The following DNAJB2 variants were observed in gnomAD, a reference collection of about 807,000 sequenced individuals.
DNAJB2 encodes DnaJ heat shock protein family (Hsp40) member B2.
DNAJB2 carries 19 observed loss-of-function variants against 33.3 expected under a neutral mutation model. The ratio of observed to expected loss-of-function variants is 0.57; its 90% CI spans 0.40 to 0.84. The LOEUF is 0.84. Ranked by LOEUF, DNAJB2 falls within the 40% of genes least tolerant of loss-of-function variation. The pLI, the probability that DNAJB2 is intolerant of heterozygous loss-of-function variation, is 0.00. For missense variants in DNAJB2, 368 were observed against 430.9 expected (o/e 0.85, Z 1.29); for synonymous variants, 172 against 164.6 (o/e 1.04, Z -0.34).
At position 219,279,855 on chromosome 2, in the gene DNAJB2, C is replaced by G. The variant is rs762126049; in HGVS notation, c.22C>G (p.Leu8Val). 6.2e-7 allele frequency: 1 copy of G among 1,613,956 alleles called. No individual in the cohort carries two copies. Among genetic ancestry groups the G allele is most frequent in the African/African-American group, 1.3e-5 (1 of 74,930 alleles). Residue 8 changes from leucine (L) to valine (V), a missense_variant, in exon 2 of 9, where the codon CTA (leucine) becomes GTA (valine). Leu to Val is a conservative substitution (Grantham distance 32). Coordinates refer to ENST00000336576, the MANE Select transcript of DNAJB2 (RefSeq NM_006736.6). This position sits in a 1 kb window ranked among gnomAD's most constrained non-coding sequence, Gnocchi z 4.9. MASYYEI[L>V]DVPRSASADD... Reference sequence around the variant, plus strand: ...TGCCATGGCATCCTACTACGAGATCCTAGACGTGCCGCGAAGTGCGTCCGC... The same window carrying G: ...TGCCATGGCATCCTACTACGAGATCGTAGACGTGCCGCGAAGTGCGTCCGC...
In DNAJB2 at chr2:219,286,383, G is replaced by A. The variant is rs541015445; in HGVS notation, c.*1396G>A. On this transcript the variant is annotated 3_prime_UTR_variant, in exon 9 of 9. Transcript: ENST00000336576. ...GATTTATCCCTGTAGGGCTGGCAGG[G>A]TTGTAGATGAAGGGGGAATGATCTG... 3.4e-5 allele frequency: 7 copies of A among 208,050 alleles called. No individual in the cohort carries two copies. In the South Asian group the frequency reaches 7.2e-4, roughly 21 times the overall value. 12.9% of individuals were successfully genotyped at this position (208,050 alleles called of 1,614,324 possible).
In DNAJB2 at chr2:219,286,255, G is replaced by A. The variant is rs1951955273; in HGVS notation, c.*1268G>A. ...CCCGGCCTCATTTCTGATAGATCCC[G>A]CTTGGGGGAGGTGGTGTATGGTTAC... On this transcript the variant is annotated 3_prime_UTR_variant, in exon 9 of 9. Transcript: ENST00000336576. 4 of 497,024 alleles carry A rather than the reference G, an allele frequency of 8.0e-6. 1 individual carries two copies. The Admixed American group carries it at 9.5e-5, about 12-fold the overall frequency. The allele number at this position is 497,024 out of a possible 1,614,324, so 30.8% of individuals were successfully genotyped here. A position where few individuals can be genotyped will look rare whatever the true frequency, so the allele number is the denominator to read the frequency against.
rs1027058251 is a variant in DNAJB2 at position 219,285,042 on chromosome 2, G to A, written c.*55G>A. Reference sequence around the variant, plus strand: ...TCTTGACTGGGGGGTCTGACTCACTGTGGGAAGAGAAGAGGGGAGTATCCT... The same window carrying A: ...TCTTGACTGGGGGGTCTGACTCACTATGGGAAGAGAAGAGGGGAGTATCCT... On this transcript the variant is annotated 3_prime_UTR_variant, in exon 9 of 9. Transcript: ENST00000336576. The A allele has an allele frequency of 5.5e-6, 8 of 1,441,852 alleles. No homozygotes were observed. The highest frequency in any genetic ancestry group is 7.3e-6 in the Non-Finnish European group (8 of 1,091,652). 89.3% of individuals were successfully genotyped at this position (1,441,852 alleles called of 1,614,324 possible).
intron 6 of DNAJB2, 21 bp from the exon 7 acceptor site, chr2:219,283,111 TC>T (rs765110238): frequency 6.2e-7 from 1 of 1,613,534 alleles, no homozygotes; most frequent in East Asian, 2.2e-5. Flanking sequence ...CCTCTCCTCC[TC>T]CTCCCTTGTC....
In DNAJB2 at chr2:219,286,502, GCA is replaced by G. The variant is rs1376291182; in HGVS notation, c.*1516_*1517del. On this transcript the variant is annotated 3_prime_UTR_variant, in exon 9 of 9. Coordinates refer to ENST00000336576, the MANE Select transcript of DNAJB2 (RefSeq NM_006736.6). Reference sequence around the variant, plus strand: ...CCTGGGAGCGGTACCTTTCCCTTGGGCAGCCTGGGGTCCCAGGAACAAGCCAG... The same window carrying G: ...CCTGGGAGCGGTACCTTTCCCTTGGGGCCTGGGGTCCCAGGAACAAGCCAG... 4.5e-5 allele frequency: 7 copies of G among 154,356 alleles called. 1 individual carries two copies. Among genetic ancestry groups the G allele is most frequent in the Admixed American group, 3.8e-4 (6 of 15,630 alleles). The allele number at this position is 154,356 out of a possible 1,614,324, so 9.6% of individuals were successfully genotyped here.
Position 219,286,075 on chromosome 2 carries a change from C to A in DNAJB2, c.*1088C>A. 1 of 1,479,056 alleles carries A rather than the reference C, an allele frequency of 6.8e-7. No individual in the cohort carries two copies. The highest frequency in any genetic ancestry group is 9.1e-7 in the Non-Finnish European group (1 of 1,096,052). The allele number at this position is 1,479,056 out of a possible 1,614,324, so 91.6% of individuals were successfully genotyped here. A position where few individuals can be genotyped will look rare whatever the true frequency, so the allele number is the denominator to read the frequency against. On this transcript the variant is annotated 3_prime_UTR_variant, in exon 9 of 9. Transcript: ENST00000336576. ...CCCCCATGCGCTGGGAGGGGACCCTCCATTTCTCCCCCTCACCCATGCTGA... is the reference window on the plus strand; with the variant it reads ...CCCCCATGCGCTGGGAGGGGACCCTACATTTCTCCCCCTCACCCATGCTGA...
At chr2:219,281,345 T>G (rs1294024231) in intron 3 of DNAJB2, 1 of 234,126 alleles carries the variant, frequency 4.3e-6, no homozygotes, top group African/African-American at 2.3e-5. Flanking sequence ...AGAAGGCCTC[T>G]CCGAGAAGGT....
chr2:219,279,731 A>AG lies in DNAJB2; in HGVS notation c.-36-62dup. ...TGGGAGCGCCTTCCGCCACCCGGGG[A>AG]GGGGGACTGCTGCAGCCACAGGGTG... On this transcript the variant is annotated intron_variant, in intron 1 of 8. Transcript: ENST00000336576. The surrounding 1 kb of genome is among the most constrained non-coding windows in gnomAD (Gnocchi z 4.9). 1 of 1,329,694 alleles carries AG rather than the reference A, an allele frequency of 7.5e-7. No homozygotes were observed. Among genetic ancestry groups the AG allele is most frequent in the East Asian group, 2.4e-5 (1 of 41,776 alleles). The allele number at this position is 1,329,694 out of a possible 1,614,324, so 82.4% of individuals were successfully genotyped here.
In DNAJB2 at chr2:219,282,940, C is replaced by T. The variant is rs371615915; in HGVS notation, c.445+11C>T. 9.5e-6 allele frequency: 15 copies of T among 1,580,208 alleles called. No homozygotes were observed. The African/African-American group carries it at 1.9e-4, about 20-fold the overall frequency. On this transcript the variant is annotated intron_variant, in intron 6 of 8. Transcript: ENST00000336576. The stretch of plus-strand genomic sequence containing the variant: ...TCCCTGGGCACTCCGGTAAGTTCTG[C>T]CCCTTCCCACGTTTGCAAGCTCCGA...
At chr2:219,280,080 C>A in intron 2 of DNAJB2, 182 bp downstream of exon 2, 1 of 634,202 alleles carries the variant, frequency 1.6e-6, no homozygotes, top group Non-Finnish European at 2.7e-6. Context: ...AGGAGAACGT[C>A]CAGAGAGTGA....
rs1951891042 is a variant in DNAJB2, at chr2:219,280,137, C to T, written c.65+239C>T. 5.4e-6 allele frequency: 3 copies of T among 556,780 alleles called. No individual in the cohort carries two copies. The East Asian group carries it at 9.1e-5, about 17-fold the overall frequency. 34.5% of individuals were successfully genotyped at this position (556,780 alleles called of 1,614,324 possible). A position where few individuals can be genotyped will look rare whatever the true frequency, so the allele number is the denominator to read the frequency against. The stretch of plus-strand genomic sequence containing the variant: ...CTGCACTGTGTTATGGGTTGTTCTC[C>T]AGTTGATCTTCCCCTCCTCCTCCTC... On this transcript the variant is annotated intron_variant, in intron 2 of 8. Transcript: ENST00000336576.
intron 2 of DNAJB2, 32 bp from the exon 3 acceptor site, chr2:219,280,546 C>T (rs762203771): frequency 1.9e-6 from 3 of 1,575,398 alleles, no homozygotes; most frequent in South Asian, 1.1e-5. Flanking sequence ...CATTTGTCCC[C>T]CGACTCTCTC....
At chr2:219,280,978 C>T (rs766283397) in intron 3 of DNAJB2, 31 of 404,202 alleles carry the variant, frequency 7.7e-5, no homozygotes, top group East Asian at 3.4e-4. Context: ...TTCTCACAGC[C>T]GTCCTATGAG....
At position 219,283,192 on chromosome 2, in the gene DNAJB2, A is replaced by G; in HGVS notation, c.505A>G (p.Thr169Ala). 1.2e-6 allele frequency: 2 copies of G among 1,614,100 alleles called. No individual in the cohort carries two copies. The highest frequency in any genetic ancestry group is 1.7e-6 in the Non-Finnish European group (2 of 1,180,040). Residue 169 changes from threonine to alanine, a missense_variant, in exon 7 of 9, where the codon ACA becomes GCA. Thr to Ala is a moderately conservative substitution (Grantham distance 58, BLOSUM62 0). Transcript: ENST00000336576. ...GGCTGGTGCTTTTCGCTCTGTTTCTACATCTACCACCTTTGTCCAAGGACG... is the reference window on the plus strand; with the variant it reads ...GGCTGGTGCTTTTCGCTCTGTTTCTGCATCTACCACCTTTGTCCAAGGACG... ...PGAGAFRSVS[T>A]STTFVQGRRI...
intron 8 of DNAJB2, 111 bp downstream of exon 8, chr2:219,283,600 T>G: frequency 8.0e-6 from 9 of 1,125,510 alleles, no homozygotes; most frequent in Non-Finnish European, 1.1e-5. Context: ...TGGGAGGGAG[T>G]GGCAACAGGC....
Position 219,286,128 on chromosome 2 carries a change from TG to T in DNAJB2, c.*1146del, listed in dbSNP as rs1295812710. On this transcript the variant is annotated 3_prime_UTR_variant, in exon 9 of 9. Coordinates refer to ENST00000336576, the MANE Select transcript of DNAJB2 (RefSeq NM_006736.6). ...GTAGAGCCGGGGCCTGGGTGGCGGG[TG>T]GGGGCCGGGTGGGAGGTGGCAGTAG... The T allele has an allele frequency of 1.8e-4, 5 of 27,490 alleles. No homozygotes were observed. Among genetic ancestry groups the T allele is most frequent in the Non-Finnish European group, 3.6e-4 (5 of 13,772 alleles). 1.7% of individuals were successfully genotyped at this position (27,490 alleles called of 1,614,324 possible).
chr2:219,285,655 A>T lies in DNAJB2; in HGVS notation c.*668A>T. 8.7e-7 allele frequency: 1 copy of T among 1,149,452 alleles called. No homozygotes were observed. Among genetic ancestry groups the T allele is most frequent in the Non-Finnish European group, 1.1e-6 (1 of 933,250 alleles). 71.2% of individuals were successfully genotyped at this position (1,149,452 alleles called of 1,614,324 possible). A position where few individuals can be genotyped will look rare whatever the true frequency, so the allele number is the denominator to read the frequency against. On this transcript the variant is annotated 3_prime_UTR_variant, in exon 9 of 9. Coordinates refer to ENST00000336576, the MANE Select transcript of DNAJB2 (RefSeq NM_006736.6). ...ATGCTGGGGCCGGTAGGGCTGTGAG[A>T]TCTTCTGGGGAGGCTAGCCGGGTGG...
Position 219,279,696 on chromosome 2 carries a change from C to T in DNAJB2, c.-36-102C>T, listed in dbSNP as rs927090105. 2 of 867,180 alleles carry T rather than the reference C, an allele frequency of 2.3e-6. No homozygotes were observed. The highest frequency in any genetic ancestry group is 3.4e-5 in the African/African-American group (2 of 59,644). 53.7% of individuals were successfully genotyped at this position (867,180 alleles called of 1,614,324 possible). On this transcript the variant is annotated intron_variant, in intron 1 of 8. Coordinates refer to ENST00000336576, the MANE Select transcript of DNAJB2 (RefSeq NM_006736.6). This position sits in a 1 kb window ranked among gnomAD's most constrained non-coding sequence, Gnocchi z 4.9. ...GCCGCAAGCAGAGCCCGGTGTGCTC[C>T]GCTTCCAACTGGGAGCGCCTTCCGC... is the stretch of plus-strand genomic sequence containing the variant.
Position 219,285,133 on chromosome 2 carries a change from C to T in DNAJB2, c.*146C>T. 1 of 1,372,942 alleles carries T rather than the reference C, an allele frequency of 7.3e-7. No homozygotes were observed. The highest frequency in any genetic ancestry group is 2.0e-5 in the South Asian group (1 of 50,272). The allele number at this position is 1,372,942 out of a possible 1,614,324, so 85.0% of individuals were successfully genotyped here. ...AAGTTTCCCTCCCAGGCCCCCCACA[C>T]CCCAGTGTGGACTTGGGATTTGCTG... On this transcript the variant is annotated 3_prime_UTR_variant, in exon 9 of 9. Transcript: ENST00000336576.
Sources: allele counts gnomAD v4.1 joint callset, GRCh38; gene constraint gnomAD v4.1.1; non-coding constraint Gnocchi (gnomAD v3.1); transcripts MANE v1.5; gene names NCBI Gene and HGNC (gene_info 2026-07-23, HGNC 2026-07-21).